Variants in CTH observed in about 807,000 individuals in gnomAD.
CTH encodes the protein cystathionine gamma-lyase.
In CTH, 41 loss-of-function variants were observed where a neutral mutation model predicts 50.6. That is an observed-to-expected ratio of 0.81 (90% CI 0.63 to 1.05). The LOEUF is 1.05. Among genes scored for constraint, CTH ranks in the 50% least tolerant of loss-of-function variants. The pLI is 0.00. For synonymous variants in CTH, 156 were observed against 168.9 expected (o/e 0.92, Z 0.59); for missense variants, 470 against 492.6 (o/e 0.95, Z 0.43).
intron 5 of CTH, among the ~76,000 whole-genome samples, chr1:70,425,873 A>G (rs978372578): frequency 6.6e-6 from 1 of 152,154 alleles, no homozygotes; most frequent in African/African-American, 2.4e-5. Context: ...CCCCACCTCC[A>G]ACATTTGGGG....
intron 1 of CTH, among the ~76,000 whole-genome samples, chr1:70,413,597 T>C (rs1360590693): frequency 3.3e-5 from 5 of 151,778 alleles, no homozygotes; most frequent in Non-Finnish European, 5.9e-5. Flanking sequence ...AGTTCGTTTC[T>C]TGTGTAGGGT....
chr1:70,432,643 A>G (rs1557472050), intron 8 of CTH, among the ~76,000 whole-genome samples: 1 of 147,208 alleles, frequency 6.8e-6, no homozygotes, highest in Non-Finnish European at 1.5e-5. Flanking sequence ...TTGAGACTTG[A>G]TATTAGGTGC....
intron 1 of CTH, among the ~76,000 whole-genome samples, 191 bp from the exon 2 acceptor site, chr1:70,415,765 C>T (rs757146951): frequency 6.6e-6 from 1 of 152,172 alleles, no homozygotes; most frequent in Non-Finnish European, 1.5e-5. Context: ...ACAGAATTCA[C>T]ATAGAGTTTG....
At chr1:70,417,693 T>A (rs1459432419) in intron 2 of CTH, among the ~76,000 whole-genome samples, 1 of 152,260 alleles carries the variant, frequency 6.6e-6, no homozygotes, top group Non-Finnish European at 1.5e-5. Context: ...AGAGAAATAT[T>A]ATTACCAAGG....
At chr1:70,422,767 ATGCTCAGCTAATT>A (rs1331705355) in intron 4 of CTH, among the ~76,000 whole-genome samples, 1 of 152,028 alleles carries the variant, frequency 6.6e-6, no homozygotes, top group African/African-American at 2.4e-5. Flanking sequence ...GCCCATCACC[ATGCTCAGCTAATT>A]TTTGTATTTT....
chr1:70,432,016 G>A, intron 7 of CTH, 67 bp from the exon 8 acceptor site: 1 of 1,556,718 alleles, frequency 6.4e-7, no homozygotes, highest in East Asian at 2.2e-5. Flanking sequence ...TAATGGAAAA[G>A]AGAAGCCAGA....
intron 10 of CTH, among the ~76,000 whole-genome samples, chr1:70,435,853 G>C (rs1309317114): frequency 6.6e-6 from 1 of 152,104 alleles, no homozygotes. Flanking sequence ...AAGTTGAGCT[G>C]ATTGACTCAA....
At chr1:70,414,837 C>G (rs902965869) in intron 1 of CTH, among the ~76,000 whole-genome samples, 5 of 151,510 alleles carry the variant, frequency 3.3e-5, no homozygotes, top group Admixed American at 2.0e-4. Context: ...TTTTTTTTCC[C>G]GAGACAGAGT....
chr1:70,411,568 G>A lies in CTH; in HGVS notation c.153G>A (p.Ala51=), dbSNP rs543136930. The A allele has an allele frequency of 1.7e-5, 28 of 1,613,890 alleles. No homozygotes were observed. Among genetic ancestry groups the A allele is most frequent in the South Asian group, 1.1e-4 (10 of 91,082 alleles). Residue 51 remains alanine, a synonymous_variant, in exon 1 of 12, where the codon GCG becomes GCA. Transcript: ENST00000370938. ...ISLSTTFKQG[A]PGQHSGFEYS... ...TGTCCACCACGTTCAAGCAAGGGGCGCCTGGCCAGCACTCGGTGAGCTGGG... is the reference window on the plus strand; with the variant it reads ...TGTCCACCACGTTCAAGCAAGGGGCACCTGGCCAGCACTCGGTGAGCTGGG...
chr1:70,424,842 T>C (rs945610053), intron 5 of CTH, among the ~76,000 whole-genome samples: 15 of 151,680 alleles, frequency 9.9e-5, no homozygotes, highest in Non-Finnish European at 1.9e-4. Context: ...GGCAGGAGAA[T>C]GGCATGAACC....
rs1324940621 is a variant in CTH, at chr1:70,439,628, TAA to T, written c.*502_*503del. On this transcript the variant is annotated 3_prime_UTR_variant, in exon 12 of 12. Transcript: ENST00000370938. ...AGTTTACTGTGAAATTCTACTGATT[TAA>T]GACTATACTTAATATTTTTAAAAAA... 6.0e-6 allele frequency: 1 copy of T among 167,802 alleles called. No individual in the cohort carries two copies. The highest frequency in any genetic ancestry group is 5.9e-5 in the Admixed American group (1 of 16,940). 10.4% of individuals were successfully genotyped at this position (167,802 alleles called of 1,614,324 possible).
chr1:70,421,893 CTTAG>C (rs1009655527), intron 4 of CTH, among the ~76,000 whole-genome samples: 4 of 152,096 alleles, frequency 2.6e-5, no homozygotes, highest in Non-Finnish European at 4.4e-5. Context: ...ATTCTGTTAT[CTTAG>C]TTAGTATATT....
chr1:70,415,073 A>G (rs1440037272), intron 1 of CTH, among the ~76,000 whole-genome samples: 1 of 152,190 alleles, frequency 6.6e-6, no homozygotes, highest in East Asian at 1.9e-4. Flanking sequence ...GAGCATTGGT[A>G]GGATGTGATC....
chr1:70,432,118 C>T lies in CTH; in HGVS notation c.760C>T (p.Leu254Phe), dbSNP rs755204342. 9.3e-6 allele frequency: 15 copies of T among 1,613,990 alleles called. No homozygotes were observed. Among genetic ancestry groups the T allele is most frequent in the Non-Finnish European group, 1.2e-5 (14 of 1,180,016 alleles). The change falls in exon 8 of 12, where the codon CTC (leucine) becomes TTC (phenylalanine). Residue 254 changes from leucine (L) to phenylalanine (F), a missense_variant. Physicochemically the swap from Leu to Phe is conservative, Grantham distance 22 (BLOSUM62 0). Transcript: ENST00000370938. ...GAVPSPIDCY[L>F]CNRGLKTLHV... Reference sequence around the variant, plus strand: ...AGTTCCATCTCCTATTGATTGTTACCTCTGCAATCGAGGTCTGAAGACTCT... The same window carrying T: ...AGTTCCATCTCCTATTGATTGTTACTTCTGCAATCGAGGTCTGAAGACTCT...
chr1:70,436,496 A>G (rs1162000441), intron 10 of CTH, among the ~76,000 whole-genome samples: 1 of 152,200 alleles, frequency 6.6e-6, no homozygotes, highest in Non-Finnish European at 1.5e-5. Flanking sequence ...TTTTAACTGT[A>G]CTAAATGTAT....
chr1:70,436,080 CGAGGTGGGCCACTTGAGGTCAG>C (rs1684591474), intron 10 of CTH, among the ~76,000 whole-genome samples: 1 of 151,824 alleles, frequency 6.6e-6, no homozygotes, highest in African/African-American at 2.4e-5. Flanking sequence ...TTTGGGAGGC[CGAGGTGGGCCACTTGAGGTCAG>C]GAGTTCAAGA....
intron 1 of CTH, among the ~76,000 whole-genome samples, chr1:70,412,812 T>C (rs930399272): frequency 6.6e-6 from 1 of 152,184 alleles, no homozygotes. Flanking sequence ...AATTACTCGA[T>C]GGTAATTTGT....
At chr1:70,438,874 T>TGTGTG in intron 11 of CTH, 48 bp downstream of exon 11, 1 of 830,154 alleles carries the variant, frequency 1.2e-6, no homozygotes, top group Non-Finnish European at 1.8e-6. Context: ...GTGTGTCTGC[T>TGTGTG]TTATCTTGGG....
At chr1:70,424,963 G>A (rs1416371749) in intron 5 of CTH, among the ~76,000 whole-genome samples, 3 of 151,990 alleles carry the variant, frequency 2.0e-5, no homozygotes, top group Admixed American at 2.0e-4. Flanking sequence ...CTTAGAGTGT[G>A]TAAACTCTGA....
Sources: allele counts gnomAD v4.1 joint callset (sites outside exome capture counted in the v4.1 genomes callset), GRCh38; gene constraint gnomAD v4.1.1; transcripts MANE v1.5; gene names NCBI Gene and HGNC (gene_info 2026-07-23, HGNC 2026-07-21).